L3MBTL4: variants seen among roughly 807,000 people sequenced by gnomAD.
The protein encoded by L3MBTL4 is lethal(3)malignant brain tumor-like protein 4.
L3MBTL4 carries 70 observed loss-of-function variants against 84.5 expected under a neutral mutation model. The observed-to-expected ratio is 0.83, with a 90% CI of 0.68 to 1.01. L3MBTL4 has a LOEUF of 1.01. Among genes scored for constraint, L3MBTL4 ranks in the 50% least tolerant of loss-of-function variants. L3MBTL4 has a pLI of 0.00. For synonymous variants in L3MBTL4, 274 were observed against 259.8 expected (o/e 1.05, Z -0.52); for missense variants, 715 against 754.8 (o/e 0.95, Z 0.62).
intron 16 of L3MBTL4, among the ~76,000 whole-genome samples, chr18:5,992,260 G>A (rs997745616): frequency 6.6e-6 from 1 of 152,312 alleles, no homozygotes; most frequent in Non-Finnish European, 1.5e-5. Context: ...ACAGAAGCCT[G>A]TTAGGCAGAC....
chr18:6,097,831 C>G (rs2058690627), intron 14 of L3MBTL4, among the ~76,000 whole-genome samples: 1 of 152,184 alleles, frequency 6.6e-6, no homozygotes, highest in South Asian at 2.1e-4. Flanking sequence ...TAAGTTCCTA[C>G]TTTGTTTTTG....
intron 1 of L3MBTL4, among the ~76,000 whole-genome samples, chr18:6,345,072 T>C (rs8096953): frequency 0.2 from 29,752 of 151,678 alleles, 3,684 homozygotes; most frequent in African/African-American, 0.36. Context: ...ACATGTCTTA[T>C]ATATAGAAAA....
chr18:6,274,659 T>G (rs1264310534), intron 4 of L3MBTL4, among the ~76,000 whole-genome samples: 1 of 152,220 alleles, frequency 6.6e-6, no homozygotes, highest in Non-Finnish European at 1.5e-5. Flanking sequence ...CCTATTGTTT[T>G]TGTGGATGTT....
At chr18:6,111,932 T>C (rs2059209791) in intron 14 of L3MBTL4, among the ~76,000 whole-genome samples, 1 of 152,158 alleles carries the variant, frequency 6.6e-6, no homozygotes. Flanking sequence ...GCAATATATC[T>C]CCTTGACTTA....
chr18:6,374,026 T>G (rs551360513), intron 1 of L3MBTL4, among the ~76,000 whole-genome samples: 1 of 152,318 alleles, frequency 6.6e-6, no homozygotes, highest in East Asian at 1.9e-4. Flanking sequence ...TCATCTTCCA[T>G]GTGTATCAGT....
intron 4 of L3MBTL4, among the ~76,000 whole-genome samples, chr18:6,272,800 T>C (rs1200641830): frequency 1.0e-5 from 1 of 97,390 alleles, no homozygotes; most frequent in Non-Finnish European, 1.9e-5. Flanking sequence ...TACAGAACAG[T>C]TCTGACAGCC....
intron 13 of L3MBTL4, among the ~76,000 whole-genome samples, chr18:6,145,067 A>G (rs2042590608): frequency 6.6e-6 from 1 of 152,142 alleles, no homozygotes. Context: ...TTTTATTTTG[A>G]TTTTTCTTTT....
chr18:6,140,026 G>A (rs953744093), intron 13 of L3MBTL4, among the ~76,000 whole-genome samples: 11 of 152,086 alleles, frequency 7.2e-5, no homozygotes, highest in Admixed American at 7.2e-4. Context: ...TCACTTCCTC[G>A]AGCTAGTGGC....
chr18:6,102,967 C>A (rs1391690923), intron 14 of L3MBTL4, among the ~76,000 whole-genome samples: 2 of 152,174 alleles, frequency 1.3e-5, no homozygotes, highest in Non-Finnish European at 2.9e-5. Context: ...GTATACTACC[C>A]TTCCTCTAGA....
chr18:6,078,412 G>A (rs1410981950), intron 16 of L3MBTL4, among the ~76,000 whole-genome samples: 4 of 120,932 alleles, frequency 3.3e-5, no homozygotes, highest in South Asian at 5.3e-4. Context: ...GGGCAACAGA[G>A]GGAGAGTCCA....
At chr18:6,293,927 A>G (rs567998129) in intron 4 of L3MBTL4, among the ~76,000 whole-genome samples, 2 of 152,310 alleles carry the variant, frequency 1.3e-5, no homozygotes, top group East Asian at 3.9e-4. Flanking sequence ...ACAACAATTT[A>G]ATGTGACATA....
At chr18:6,391,212 A>G (rs1327094554) in intron 1 of L3MBTL4, among the ~76,000 whole-genome samples, 1 of 152,198 alleles carries the variant, frequency 6.6e-6, no homozygotes, top group Non-Finnish European at 1.5e-5. Context: ...CACATCACAC[A>G]AACAGAATTA....
chr18:6,302,078 C>T (rs7241798), intron 3 of L3MBTL4, 121 bp from the exon 4 acceptor site: 148,242 of 839,636 alleles, frequency 0.18, 13,599 homozygotes, highest in Middle Eastern at 0.24. Flanking sequence ...AGGCGGACAA[C>T]GCACACAATA....
At chr18:6,165,057 G>A (rs561046934) in intron 13 of L3MBTL4, among the ~76,000 whole-genome samples, 2 of 152,272 alleles carry the variant, frequency 1.3e-5, no homozygotes, top group East Asian at 1.9e-4. Context: ...TAGCTGATGC[G>A]ATCAACTGGA....
At chr18:6,164,042 C>A (rs8085212) in intron 13 of L3MBTL4, among the ~76,000 whole-genome samples, 2,484 of 152,348 alleles carry the variant, frequency 0.016, 65 homozygotes, top group African/African-American at 0.056. Flanking sequence ...TATCCTGCAC[C>A]TGGCTTGGAA....
chr18:6,040,264 C>A (rs2056341141), intron 16 of L3MBTL4, among the ~76,000 whole-genome samples: 1 of 152,082 alleles, frequency 6.6e-6, no homozygotes, highest in Non-Finnish European at 1.5e-5. Context: ...GTCTTTCAAC[C>A]AGAAGCAATT....
At chr18:6,286,776 T>C (rs557670677) in intron 4 of L3MBTL4, among the ~76,000 whole-genome samples, 1 of 152,170 alleles carries the variant, frequency 6.6e-6, no homozygotes, top group East Asian at 1.9e-4. Context: ...CACCTCTCTC[T>C]CCCCACCCAC....
At chr18:5,972,327 T>C (rs1369370033) in intron 16 of L3MBTL4, among the ~76,000 whole-genome samples, 1 of 152,092 alleles carries the variant, frequency 6.6e-6, no homozygotes, top group African/African-American at 2.4e-5. Flanking sequence ...AAGACCTGAG[T>C]TGGTCTAGGA....
chr18:6,174,332 A>G (rs973027796), intron 12 of L3MBTL4, among the ~76,000 whole-genome samples: 1 of 152,192 alleles, frequency 6.6e-6, no homozygotes, highest in Non-Finnish European at 1.5e-5. Context: ...CAAAGTAGTT[A>G]GGAAAATATG....
Sources: allele counts gnomAD v4.1 joint callset (sites outside exome capture counted in the v4.1 genomes callset), GRCh38; gene constraint gnomAD v4.1.1; transcripts MANE v1.5; gene names NCBI Gene and HGNC (gene_info 2026-07-23, HGNC 2026-07-21).